The following PAPPA variants were observed in gnomAD, a reference collection of about 807,000 sequenced individuals.
The protein encoded by PAPPA is pappalysin-1.
In PAPPA, 60 loss-of-function variants were observed where a neutral mutation model predicts 164.0. That is an observed-to-expected ratio of 0.37 (90% confidence interval 0.30 to 0.45). The LOEUF (loss-of-function observed/expected upper bound fraction) is 0.45. PAPPA is among the 20% of genes least tolerant of loss of function. PAPPA has a pLI of 1.00. For synonymous variants in PAPPA, 875 were observed against 814.1 expected, an observed-to-expected ratio of 1.07 and a Z score of -1.27; for missense variants, 1,782 against 2,087.3, an observed-to-expected ratio of 0.85 and a Z score of 2.85.
At position 116,235,417 on chromosome 9, in the gene PAPPA, C is replaced by T. The variant is rs755408494; in HGVS notation, c.2512C>T (p.Pro838Ser). 1 of 1,613,770 alleles carries T rather than the reference C, an allele frequency of 6.2e-7. No homozygotes were observed. The highest frequency in any genetic ancestry group is 1.1e-5 in the South Asian group (1 of 91,022). ...TCCTCAGAATGTCTTCTGTGATGTC[C>T]CACTGACCATCAGACTCTGGGACGT... ...LGPQNVFCDV[P>S]LTIRLWDVGE... is the part of the protein sequence containing the mutation. Residue 838 changes from proline to serine, a missense_variant, in exon 7 of 22, where the codon CCA becomes TCA. Pro to Ser is a moderately conservative substitution (Grantham distance 74). This residue lies in a region of PAPPA where 1,324 missense variants were observed against 1,656.9 expected (regional missense o/e 0.80). Transcript: ENST00000328252.
chr9:116,265,858 G>A lies in PAPPA; in HGVS notation c.2734G>A (p.Asp912Asn). ...LHLNRKFVDM[D>N]LNLGSVYQYW... ...TTATGTCTTCTTTGTATTTTCCAGGGATCTAAATCTTGGCAGTGTGTACCA... is the reference window on the plus strand; with the variant it reads ...TTATGTCTTCTTTGTATTTTCCAGGAATCTAAATCTTGGCAGTGTGTACCA... Residue 912 changes from aspartate (D) to asparagine (N), a missense_variant and splice_region_variant, in exon 8 of 22, where the codon GAT becomes AAT. Coordinates refer to ENST00000328252, the MANE Select transcript of PAPPA (RefSeq NM_002581.5). 1 of 1,595,436 alleles carries A rather than the reference G, an allele frequency of 6.3e-7. No individual in the cohort carries two copies. Among genetic ancestry groups the A allele is most frequent in the Non-Finnish European group, 8.6e-7 (1 of 1,165,160 alleles).
intron 12 of PAPPA, 55 bp downstream of exon 12, chr9:116,332,523 C>T: frequency 6.6e-7 from 1 of 1,510,262 alleles, no homozygotes; most frequent in Non-Finnish European, 9.1e-7. Context: ...CCACCTCTGC[C>T]CCATAACTAG....
Position 116,235,530 on chromosome 9 carries a change from C to T in PAPPA, c.2625C>T (p.Thr875=). Residue 875 remains threonine (T), a synonymous_variant, in exon 7 of 22, where the codon ACC becomes ACT. Coordinates refer to ENST00000328252, the MANE Select transcript of PAPPA (RefSeq NM_002581.5). ...CCATGTTGACCTCCACTGCAGACAC[C>T]CCACTCTGTCTACAGTGTAAGCCCC... ...DAAMLTSTAD[T]PLCLQCKPLK... 1 of 1,613,554 alleles carries T rather than the reference C, an allele frequency of 6.2e-7. No individual in the cohort carries two copies. Among genetic ancestry groups the T allele is most frequent in the Non-Finnish European group, 8.5e-7 (1 of 1,179,954 alleles).
intron 8 of PAPPA, 33 bp downstream of exon 8, chr9:116,266,018 GGATGCT>G: frequency 6.5e-7 from 1 of 1,550,210 alleles, no homozygotes; most frequent in Non-Finnish European, 8.9e-7. Context: ...AGAAGAGGAG[GGATGCT>G]GGTTAGGTCA....
intron 2 of PAPPA, among the ~76,000 whole-genome samples, chr9:116,197,038 G>T (rs1181193570): frequency 6.6e-6 from 1 of 152,180 alleles, no homozygotes; most frequent in Non-Finnish European, 1.5e-5. Flanking sequence ...AACACAGTTT[G>T]CCAGTGGTTT....
At chr9:116,336,297 G>T (rs907861773) in intron 13 of PAPPA, among the ~76,000 whole-genome samples, 1 of 152,056 alleles carries the variant, frequency 6.6e-6, no homozygotes, top group African/African-American at 2.4e-5. Context: ...TACCACAGAG[G>T]ACACAAAAGG....
At chr9:116,239,087 A>AT (rs1482153109) in intron 7 of PAPPA, among the ~76,000 whole-genome samples, 8 of 151,806 alleles carry the variant, frequency 5.3e-5, no homozygotes, top group Admixed American at 2.0e-4. Context: ...CTTTGTCTTC[A>AT]TTTTTTTTCT....
chr9:116,351,038 A>G (rs1269168637), intron 15 of PAPPA, among the ~76,000 whole-genome samples: 1 of 152,176 alleles, frequency 6.6e-6, no homozygotes, highest in African/African-American at 2.4e-5. Context: ...CGTACATAAA[A>G]TTGCAAAGTA....
At chr9:116,391,555 G>T (rs577319596) in intron 21 of PAPPA, among the ~76,000 whole-genome samples, 1 of 152,340 alleles carries the variant, frequency 6.6e-6, no homozygotes, top group African/African-American at 2.4e-5. Flanking sequence ...TGCAGCCAGG[G>T]CCTTGTGGTA....
intron 1 of PAPPA, among the ~76,000 whole-genome samples, chr9:116,179,348 A>G (rs1564175102): frequency 6.6e-6 from 1 of 152,198 alleles, no homozygotes; most frequent in African/African-American, 2.4e-5. Context: ...CCGTCCTGCA[A>G]AAGGAAATCT....
At chr9:116,172,294 A>T (rs1205524759) in intron 1 of PAPPA, among the ~76,000 whole-genome samples, 1 of 152,128 alleles carries the variant, frequency 6.6e-6, no homozygotes, top group African/African-American at 2.4e-5. Context: ...ACTGGTTCTA[A>T]ATTCTGTAGC....
At position 116,252,317 on chromosome 9, in the gene PAPPA, A is replaced by G. The variant is rs72754229; in HGVS notation, c.2733-13540A>G. ...GAATCCAAATGCCCAATGGAGTCTC[A>G]GATCTCTGTCATCTCATTTTTCATT... On this transcript the variant is annotated intron_variant, in intron 7 of 21. Coordinates refer to ENST00000328252, the MANE Select transcript of PAPPA (RefSeq NM_002581.5). Among the ~76,000 whole-genome samples the G allele has an allele frequency of 2.3e-3, 357 of 152,368 alleles. 1 individual carries two copies. Among genetic ancestry groups the G allele is most frequent in the Non-Finnish European group, 3.7e-3 (250 of 68,036 alleles).
chr9:116,154,155 C>CGGGGGCTTGGGGGGGGG lies in PAPPA; in HGVS notation c.-13_-12insCTTGGGGGGGGGGGGGG. On this transcript the variant is annotated 5_prime_UTR_variant, in exon 1 of 22. Coordinates refer to ENST00000328252, the MANE Select transcript of PAPPA (RefSeq NM_002581.5). This position sits in a 1 kb window ranked among gnomAD's most constrained non-coding sequence, Gnocchi z 5.2. ...TGGCGGTGCAGGGGCGAAGGGGGGG[C>CGGGGGCTTGGGGGGGGG]GGGGGGAACCGTCGGACATGCGGCT... The CGGGGGCTTGGGGGGGGG allele has an allele frequency of 2.2e-6, 1 of 464,950 alleles. No homozygotes were observed. The highest frequency in any genetic ancestry group is 2.9e-6 in the Non-Finnish European group (1 of 345,680). 28.8% of individuals were successfully genotyped at this position (464,950 alleles called of 1,614,324 possible).
chr9:116,372,395 T>C (rs969164213), intron 19 of PAPPA, among the ~76,000 whole-genome samples: 8 of 152,240 alleles, frequency 5.3e-5, no homozygotes, highest in Admixed American at 5.2e-4. Flanking sequence ...TTTCTTTTTT[T>C]AAAAAGTTTG....
chr9:116,386,770 G>C (rs918785118), intron 21 of PAPPA, among the ~76,000 whole-genome samples: 1 of 152,192 alleles, frequency 6.6e-6, no homozygotes, highest in Admixed American at 6.5e-5. Flanking sequence ...TTGGCAAAGA[G>C]GAGAGCAGCT....
intron 9 of PAPPA, among the ~76,000 whole-genome samples, chr9:116,280,221 G>A (rs1389104087): frequency 6.6e-6 from 1 of 152,148 alleles, no homozygotes; most frequent in African/African-American, 2.4e-5. Context: ...AAACAGCAGT[G>A]AAAAAGGAAG....
chr9:116,267,811 C>T (rs1300592570), intron 8 of PAPPA, among the ~76,000 whole-genome samples: 1 of 137,598 alleles, frequency 7.3e-6, no homozygotes, highest in Non-Finnish European at 1.5e-5. Flanking sequence ...GGAAGCGGAG[C>T]TTGCAGTGAG....
chr9:116,389,837 A>C (rs1846866912), intron 21 of PAPPA, among the ~76,000 whole-genome samples: 1 of 150,614 alleles, frequency 6.6e-6, no homozygotes, highest in South Asian at 2.1e-4. Context: ...TTTCTTCCCT[A>C]ATACTTATCA....
intron 7 of PAPPA, among the ~76,000 whole-genome samples, chr9:116,251,366 C>T (rs1006614151): frequency 2.0e-4 from 30 of 152,144 alleles, no homozygotes; most frequent in Admixed American, 7.2e-4. Flanking sequence ...GAAAGAGAAG[C>T]CCAGTCCCCA....
Sources: allele counts gnomAD v4.1 joint callset (sites outside exome capture counted in the v4.1 genomes callset), GRCh38; gene constraint gnomAD v4.1.1; regional missense constraint gnomAD v4.1.1; non-coding constraint Gnocchi (gnomAD v3.1); transcripts MANE v1.5; gene names NCBI Gene and HGNC (gene_info 2026-07-23, HGNC 2026-07-21).